ELP4: variants seen among roughly 807,000 people sequenced by gnomAD.
ELP4 encodes the protein elongator acetyltransferase complex subunit 4, also known as elongator complex protein 4.
In ELP4, 51 loss-of-function variants were observed where a neutral mutation model predicts 48.9. The observed-to-expected ratio is 1.04, with a 90% CI of 0.83 to 1.32. The LOEUF (loss-of-function observed/expected upper bound fraction) is 1.32, where lower values mean the gene tolerates loss of function less well. Ranked by LOEUF, ELP4 falls within the 40% of genes most tolerant of loss-of-function variation. The probability of loss-of-function intolerance (pLI) is 0.00; values close to 1 mark genes in which losing one functional copy is unlikely to be tolerated. For synonymous variants in ELP4, 210 were observed against 189.2 expected, an observed-to-expected ratio of 1.11 and a Z score of -0.90; for missense variants, 519 against 514.6, an observed-to-expected ratio of 1.01 and a Z score of -0.08.
intron 9 of ELP4, among the ~76,000 whole-genome samples, chr11:31,696,305 A>G (rs1946405005): frequency 1.3e-5 from 2 of 152,180 alleles, no homozygotes; most frequent in South Asian, 4.1e-4. Flanking sequence ...GTGGGCATTT[A>G]GTGCTATAAA....
At chr11:31,536,160 T>TAGTTGATG (rs1406251838) in intron 2 of ELP4, among the ~76,000 whole-genome samples, 4 of 152,152 alleles carry the variant, frequency 2.6e-5, no homozygotes. Context: ...CTTCAGCAAG[T>TAGTTGATG]AGTTGATGGA....
In ELP4 at chr11:31,789,943, T is replaced by C; in HGVS notation, c.*6419T>C. ...TTTTTTTTTTTTTTTTTTACTGTAATCTTGGCCAGTATTGAGACATATCAG... is the reference window on the plus strand; with the variant it reads ...TTTTTTTTTTTTTTTTTTACTGTAACCTTGGCCAGTATTGAGACATATCAG... On this transcript the variant is annotated 3_prime_UTR_variant, in exon 10 of 10. Coordinates refer to ENST00000640961, the MANE Select transcript of ELP4 (RefSeq NM_019040.5). The C allele has an allele frequency of 7.3e-7, 1 of 1,372,798 alleles. No individual in the cohort carries two copies. Among genetic ancestry groups the C allele is most frequent in the Non-Finnish European group, 1.0e-6 (1 of 973,828 alleles). 85.0% of individuals were successfully genotyped at this position (1,372,798 alleles called of 1,614,324 possible).
At chr11:31,572,127 T>G (rs1159274888) in intron 3 of ELP4, among the ~76,000 whole-genome samples, 1 of 152,194 alleles carries the variant, frequency 6.6e-6, no homozygotes. Context: ...TCATCTACAT[T>G]GAAAATCTGT....
chr11:31,732,004 A>C (rs1947200379), intron 9 of ELP4, among the ~76,000 whole-genome samples: 1 of 152,172 alleles, frequency 6.6e-6, no homozygotes, highest in Non-Finnish European at 1.5e-5. Flanking sequence ...CTAGATATTC[A>C]GAAGCTGTGG....
intron 8 of ELP4, chr11:31,649,858 G>C (rs1329836325): frequency 3.2e-6 from 1 of 309,048 alleles, no homozygotes; most frequent in Non-Finnish European, 5.9e-6. Context: ...CAAGTATTAA[G>C]ATCCCTCTTT....
intron 7 of ELP4, among the ~76,000 whole-genome samples, chr11:31,640,863 T>C (rs913037115): frequency 3.3e-5 from 5 of 151,832 alleles, no homozygotes; most frequent in Admixed American, 2.6e-4. Context: ...GAGATTAAAA[T>C]CAGCAAACCA....
chr11:31,695,349 A>G (rs867834296), intron 9 of ELP4, among the ~76,000 whole-genome samples: 35 of 151,970 alleles, frequency 2.3e-4, no homozygotes, highest in African/African-American at 8.5e-4. Context: ...CTAATTTATC[A>G]AAGAGTTTTT....
At chr11:31,771,485 T>C (rs565781240) in intron 9 of ELP4, among the ~76,000 whole-genome samples, 3 of 152,302 alleles carry the variant, frequency 2.0e-5, no homozygotes, top group African/African-American at 2.4e-5. Flanking sequence ...TACTACACTT[T>C]AGAAACTCTA....
At chr11:31,579,625 G>A (rs189220696) in intron 3 of ELP4, among the ~76,000 whole-genome samples, 15 of 152,218 alleles carry the variant, frequency 9.9e-5, no homozygotes, top group African/African-American at 3.1e-4. Context: ...ATGAGTTCAT[G>A]TCCTTTATAG....
intron 9 of ELP4, among the ~76,000 whole-genome samples, chr11:31,710,026 T>C (rs1351124283): frequency 1.3e-5 from 2 of 152,218 alleles, no homozygotes; most frequent in Non-Finnish European, 2.9e-5. Context: ...TTGTTGCTAG[T>C]TTCTTATCTG....
intron 1 of ELP4, among the ~76,000 whole-genome samples, chr11:31,518,109 CTTT>C (rs111515643): frequency 2.1e-5 from 3 of 142,620 alleles, no homozygotes. Context: ...TCTTTTTTTT[CTTT>C]TTTTTTTTTT....
Position 31,788,931 on chromosome 11 carries a change from A to G in ELP4, c.*5407A>G, listed in dbSNP as rs1948951935. 1 of 200,394 alleles carries G rather than the reference A, an allele frequency of 5.0e-6. No homozygotes were observed. The highest frequency in any genetic ancestry group is 6.0e-5 in the Admixed American group (1 of 16,576). The allele number at this position is 200,394 out of a possible 1,614,324, so 12.4% of individuals were successfully genotyped here. Reference sequence around the variant, plus strand: ...ACTATAAGGTTAAAAAGAAAACTGTATAATAAAGGAAATACAAAGGCTTTG... The same window carrying G: ...ACTATAAGGTTAAAAAGAAAACTGTGTAATAAAGGAAATACAAAGGCTTTG... On this transcript the variant is annotated 3_prime_UTR_variant, in exon 10 of 10. Transcript: ENST00000640961.
At chr11:31,523,685 T>C (rs1257843867) in intron 2 of ELP4, among the ~76,000 whole-genome samples, 1 of 152,126 alleles carries the variant, frequency 6.6e-6, no homozygotes, top group African/African-American at 2.4e-5. Flanking sequence ...ACTGTGTACT[T>C]TAAAAATTTA....
chr11:31,691,696 T>C (rs978676692), intron 9 of ELP4, among the ~76,000 whole-genome samples: 3 of 152,146 alleles, frequency 2.0e-5, no homozygotes, highest in African/African-American at 7.2e-5. Flanking sequence ...AAGGACATAG[T>C]TTATGACTGA....
chr11:31,613,308 A>C (rs1420691861), intron 5 of ELP4, among the ~76,000 whole-genome samples: 1 of 152,188 alleles, frequency 6.6e-6, no homozygotes, highest in Non-Finnish European at 1.5e-5. Flanking sequence ...ATGTTAATTT[A>C]GCTTCCAAAA....
chr11:31,679,945 T>C (rs1946022263), intron 9 of ELP4, among the ~76,000 whole-genome samples: 1 of 152,228 alleles, frequency 6.6e-6, no homozygotes, highest in Non-Finnish European at 1.5e-5. Context: ...TACTCTCTAA[T>C]GTCCACCCTG....
intron 9 of ELP4, 183 bp downstream of exon 9, chr11:31,650,404 T>G: frequency 2.4e-6 from 1 of 414,382 alleles, no homozygotes; most frequent in Non-Finnish European, 4.3e-6. Context: ...ATTGTTTTAT[T>G]TTTACAATAT....
chr11:31,782,065 A>C (rs1948389696), intron 9 of ELP4, among the ~76,000 whole-genome samples: 2 of 152,180 alleles, frequency 1.3e-5, no homozygotes, highest in African/African-American at 4.8e-5. Context: ...TTCCTTGATC[A>C]TGCATTTGTA....
At chr11:31,554,835 A>G (rs1466745347) in intron 3 of ELP4, among the ~76,000 whole-genome samples, 2 of 152,174 alleles carry the variant, frequency 1.3e-5, no homozygotes, top group African/African-American at 4.8e-5. Context: ...TATCTTGTGC[A>G]TTTAGAATGT....
Sources: gnomAD v4.1 joint callset for allele counts (sites outside exome capture counted in the v4.1 genomes callset) on GRCh38, gnomAD v4.1.1 for gene constraint, MANE v1.5 for transcripts, NCBI Gene and HGNC (gene_info 2026-07-23, HGNC 2026-07-21) for gene names.